TIAM1: variants seen among roughly 807,000 people sequenced by gnomAD.
TIAM1 encodes the protein rho guanine nucleotide exchange factor TIAM1.
In TIAM1, 65 loss-of-function variants were observed where a neutral mutation model predicts 163.5. The observed-to-expected ratio is 0.40, with a 90% confidence interval of 0.33 to 0.49. The LOEUF (loss-of-function observed/expected upper bound fraction) is 0.49. Ranked by LOEUF, TIAM1 falls within the 20% of genes least tolerant of loss-of-function variation. The pLI is 0.77. For missense variants in TIAM1, 1,789 were observed against 2,044.7 expected (o/e 0.87, Z 2.41); for synonymous variants, 833 against 810.1 (o/e 1.03, Z -0.48).
intron 12 of TIAM1, among the ~76,000 whole-genome samples, chr21:31,198,973 A>G (rs16987943): frequency 0.039 from 5,995 of 152,310 alleles, 429 homozygotes; most frequent in African/African-American, 0.14. Context: ...TGCAACCACG[A>G]TATCTGGAAC....
intron 2 of TIAM1, among the ~76,000 whole-genome samples, chr21:31,320,283 G>A (rs1045524304): frequency 6.6e-6 from 1 of 152,142 alleles, no homozygotes; most frequent in African/African-American, 2.4e-5. Flanking sequence ...GTAGAATGGA[G>A]GTTACCGGGG....
At chr21:31,507,598 T>A (rs1016051731) in intron 1 of TIAM1, among the ~76,000 whole-genome samples, 1 of 152,190 alleles carries the variant, frequency 6.6e-6, no homozygotes, top group African/African-American at 2.4e-5. Context: ...TAATGTTTAT[T>A]CAGCACCAAT....
chr21:31,513,694 A>G (rs899646723), intron 1 of TIAM1, among the ~76,000 whole-genome samples: 18 of 152,166 alleles, frequency 1.2e-4, no homozygotes, highest in Non-Finnish European at 2.9e-5. Flanking sequence ...TTTAGGGTCA[A>G]TCTAGACCTA....
Position 31,431,976 on chromosome 21 carries a change from C to G in TIAM1, c.-369+32007G>C, listed in dbSNP as rs8134000. ...CATGGCTGCCATCACTAGAATGCCA[C>G]ATCGCATGCTATGCAGAGTTACATG... On this transcript the variant is annotated intron_variant, in intron 2 of 28. Coordinates refer to the TIAM1 transcript ENST00000286827. Among the ~76,000 whole-genome samples the G allele has an allele frequency of 1.6e-3, 247 of 152,092 alleles. 1 individual carries two copies. Among genetic ancestry groups the G allele is most frequent in the African/African-American group, 5.6e-3 (232 of 41,496 alleles).
rs115307915 is a variant in TIAM1 at position 31,166,378 on chromosome 21, G to A, written c.2888-1313C>T. ...CCTGATGCTTTAGATGAAAGATTCC[G>A]TCTGCAAAGTGGCTACCTTGCTCCA... On this transcript the variant is annotated intron_variant, in intron 15 of 27. Transcript: ENST00000541036. 4.3e-3 allele frequency among the ~76,000 whole-genome samples: 654 copies of A among 152,250 alleles called. 5 individuals carry two copies. The highest frequency in any genetic ancestry group is 0.015 in the African/African-American group (631 of 41,550).
At chr21:31,304,157 A>C (rs866522054) in intron 2 of TIAM1, among the ~76,000 whole-genome samples, 4 of 152,066 alleles carry the variant, frequency 2.6e-5, no homozygotes, top group Non-Finnish European at 5.9e-5. Flanking sequence ...TACTTCACTT[A>C]CTCCTCTAGC....
intron 20 of TIAM1, among the ~76,000 whole-genome samples, chr21:31,142,886 G>A (rs917006782): frequency 1.3e-5 from 2 of 152,112 alleles, no homozygotes; most frequent in Admixed American, 1.3e-4. Flanking sequence ...AGCAGCCCTG[G>A]GGAGTTGTGG....
At chr21:31,536,082 C>G (rs573578623) in intron 1 of TIAM1, among the ~76,000 whole-genome samples, 1 of 152,126 alleles carries the variant, frequency 6.6e-6, no homozygotes, top group Admixed American at 6.6e-5. Flanking sequence ...GGAGAAAATG[C>G]GGCACAGGCA....
At chr21:31,312,410 G>A (rs528475556) in intron 2 of TIAM1, among the ~76,000 whole-genome samples, 40 of 152,224 alleles carry the variant, frequency 2.6e-4, no homozygotes, top group African/African-American at 8.9e-4. Flanking sequence ...GTGAGTTAGC[G>A]TCATTAGTAT....
intron 26 of TIAM1, among the ~76,000 whole-genome samples, chr21:31,125,222 A>T (rs1601170998): frequency 1.9e-5 from 2 of 102,682 alleles, no homozygotes; most frequent in Non-Finnish European, 4.6e-5. Context: ...TCTCATGGTT[A>T]AAAAAAAAAA....
intron 1 of TIAM1, among the ~76,000 whole-genome samples, chr21:31,493,146 ATGCAGGCTC>A (rs575083943): frequency 7.4e-4 from 113 of 152,300 alleles, no homozygotes; most frequent in Non-Finnish European, 1.4e-3. Context: ...TCCAGGTACC[ATGCAGGCTC>A]TGCAAAGGAT....
intron 2 of TIAM1, among the ~76,000 whole-genome samples, chr21:31,449,765 T>C (rs754345622): frequency 6.6e-6 from 1 of 152,196 alleles, no homozygotes; most frequent in Admixed American, 6.5e-5. Flanking sequence ...TCCTGGCAAC[T>C]GTCACAACTC....
chr21:31,516,923 G>A (rs928938388), intron 1 of TIAM1, among the ~76,000 whole-genome samples: 5 of 151,100 alleles, frequency 3.3e-5, no homozygotes, highest in Admixed American at 1.3e-4. Flanking sequence ...GGTGGCGGGC[G>A]CCTGTAGTCC....
intron 2 of TIAM1, among the ~76,000 whole-genome samples, chr21:31,398,533 C>T (rs1017263728): frequency 6.6e-5 from 10 of 152,198 alleles, no homozygotes; most frequent in African/African-American, 2.2e-4. Flanking sequence ...TATCTAAACA[C>T]CTGACCAAGC....
chr21:31,325,259 C>A (rs1018943375), intron 2 of TIAM1, among the ~76,000 whole-genome samples: 1 of 150,902 alleles, frequency 6.6e-6, no homozygotes, highest in Non-Finnish European at 1.5e-5. Flanking sequence ...TGCACTCTAG[C>A]CTGGGTGACA....
intron 2 of TIAM1, among the ~76,000 whole-genome samples, chr21:31,304,190 T>C (rs564697663): frequency 1.2e-3 from 185 of 152,258 alleles, no homozygotes; most frequent in African/African-American, 4.3e-3. Context: ...CTTTTTCCAA[T>C]TTCCTCAGAA....
At chr21:31,121,294 G>C (rs1291384015) in intron 27 of TIAM1, among the ~76,000 whole-genome samples, 1 of 152,170 alleles carries the variant, frequency 6.6e-6, no homozygotes, top group African/African-American at 2.4e-5. Context: ...GGCTGTCCCA[G>C]GGTTGTTTAG....
At chr21:31,371,304 C>T (rs905306067) in intron 2 of TIAM1, among the ~76,000 whole-genome samples, 1 of 152,186 alleles carries the variant, frequency 6.6e-6, no homozygotes, top group Non-Finnish European at 1.5e-5. Flanking sequence ...TGTCTTGCTC[C>T]ACAGACTCCC....
At chr21:31,296,650 T>C (rs1237117776) in intron 2 of TIAM1, among the ~76,000 whole-genome samples, 1 of 152,006 alleles carries the variant, frequency 6.6e-6, no homozygotes, top group Admixed American at 6.6e-5. Context: ...TAGTTTCAAT[T>C]TGAGATTGGA....
Sources: gnomAD v4.1 joint callset for allele counts (sites outside exome capture counted in the v4.1 genomes callset) on GRCh38, gnomAD v4.1.1 for gene constraint, MANE v1.5 for transcripts, NCBI Gene and HGNC (gene_info 2026-07-23, HGNC 2026-07-21) for gene names.